Variants in PCDHA2 observed in about 807,000 individuals in gnomAD.
PCDHA2 encodes protocadherin alpha 2.
PCDHA2 carries 58 observed loss-of-function variants against 66.0 expected under a neutral mutation model. The observed-to-expected ratio is 0.88, with a 90% CI of 0.71 to 1.09. The LOEUF is 1.09. Ranked by LOEUF, PCDHA2 falls within the 50% of genes least tolerant of loss-of-function variation. The probability of loss-of-function intolerance (pLI) is 0.00; values close to 1 mark genes in which losing one functional copy is unlikely to be tolerated. For missense variants in PCDHA2, 1,267 were observed against 1,242.3 expected, an observed-to-expected ratio of 1.02 and a Z score of -0.30; for synonymous variants, 634 against 554.0, an observed-to-expected ratio of 1.14 and a Z score of -2.03.
chr5:140,975,516 G>T (rs1310855349), intron 1 of PCDHA2, among the ~76,000 whole-genome samples: 1 of 152,166 alleles, frequency 6.6e-6, no homozygotes, highest in Non-Finnish European at 1.5e-5. Flanking sequence ...TGCAAAATCT[G>T]CAGTGGATAT....
chr5:140,943,270 AAAAAAAAG>A (rs1301290983), intron 1 of PCDHA2, among the ~76,000 whole-genome samples: 4 of 150,618 alleles, frequency 2.7e-5, no homozygotes, highest in African/African-American at 4.9e-5. Context: ...AAAAAAAAAA[AAAAAAAAG>A]AAAGAAAGAA....
At position 140,807,432 on chromosome 5, in the gene PCDHA2, G is replaced by T. The variant is rs1554124011; in HGVS notation, c.2388+10080G>T. The T allele has an allele frequency of 1.9e-6, 3 of 1,599,340 alleles. No individual in the cohort carries two copies. The South Asian group carries it at 3.3e-5, about 18-fold the overall frequency. On this transcript the variant is annotated intron_variant, in intron 1 of 3. Coordinates refer to ENST00000526136, the MANE Select transcript of PCDHA2 (RefSeq NM_018905.3). ...CTTCTGGAGGTAAATCTGCAGAATG[G>T]CATTTTGTTTGTGAATTCTCGGATC...
At chr5:140,909,344 C>T (rs900022411) in intron 1 of PCDHA2, among the ~76,000 whole-genome samples, 1 of 152,164 alleles carries the variant, frequency 6.6e-6, no homozygotes, top group Non-Finnish European at 1.5e-5. Context: ...TACCAGGTAC[C>T]AAGAGATGTG....
intron 1 of PCDHA2, among the ~76,000 whole-genome samples, chr5:140,936,014 T>C (rs1405282987): frequency 4.0e-5 from 6 of 151,334 alleles, no homozygotes; most frequent in Non-Finnish European, 8.8e-5. Flanking sequence ...CACCTCAGCC[T>C]CCCGAGTAGC....
At chr5:140,839,650 T>C (rs1297660391) in intron 1 of PCDHA2, among the ~76,000 whole-genome samples, 1 of 152,088 alleles carries the variant, frequency 6.6e-6, no homozygotes, top group African/African-American at 2.4e-5. Flanking sequence ...TCTTTACAAA[T>C]TGTTTGCTAC....
intron 1 of PCDHA2, chr5:140,969,438 C>G: frequency 6.5e-7 from 1 of 1,546,540 alleles, no homozygotes; most frequent in African/African-American, 1.4e-5. Flanking sequence ...CAAGAGTTAT[C>G]TGGTAAACTG....
rs1310560301 is a variant in PCDHA2, at chr5:140,838,419, C to T, written c.2388+41067C>T. On this transcript the variant is annotated intron_variant, in intron 1 of 3. Transcript: ENST00000526136. ...GATTACAGGAGTGAGCCACCGCATC[C>T]GGCCTAAATTATATATTGGGTTTTG... is the stretch of plus-strand genomic sequence containing the variant. Among the ~76,000 whole-genome samples, 7 of 151,450 alleles carry T rather than the reference C, an allele frequency of 4.6e-5. 1 individual carries two copies. The highest frequency in any genetic ancestry group is 2.1e-4 in the South Asian group (1 of 4,794).
rs782773036 is a variant in PCDHA2 at position 140,870,430 on chromosome 5, G to T, written c.2388+73078G>T. 3 of 1,614,226 alleles carry T rather than the reference G, an allele frequency of 1.9e-6. No homozygotes were observed. In the African/African-American group the frequency reaches 4.0e-5, roughly 22 times the overall value. The stretch of plus-strand genomic sequence containing the variant: ...GTGGGCCACGGCCAGGGTATCCGTG[G>T]AGGTGGCCGACGTGAACGACAATGC... On this transcript the variant is annotated intron_variant, in intron 1 of 3. Transcript: ENST00000526136.
In PCDHA2 at chr5:140,966,984, G is replaced by A. The variant is rs1217682338; in HGVS notation, c.2389-11965G>A. 4.4e-6 allele frequency: 7 copies of A among 1,603,802 alleles called. No individual in the cohort carries two copies. In the Admixed American group the frequency reaches 5.0e-5, roughly 11 times the overall value. Reference sequence around the variant, plus strand: ...CTGGGGCTTGAGCTGCGGCGCTTGGGGCCGGGTTGCTTGCGCATCAACCAT... The same window carrying A: ...CTGGGGCTTGAGCTGCGGCGCTTGGAGCCGGGTTGCTTGCGCATCAACCAT... On this transcript the variant is annotated intron_variant, in intron 1 of 3. Transcript: ENST00000526136.
rs2150260051 is a variant in PCDHA2, at chr5:140,836,413, A to C, written c.2388+39061A>C. On this transcript the variant is annotated intron_variant, in intron 1 of 3. Coordinates refer to ENST00000526136, the MANE Select transcript of PCDHA2 (RefSeq NM_018905.3). ...CTGGTGGAAAGCGGCCAGGCACCAA[A>C]GGCGTCGTCGCGGGCATCGTTGGGC... The C allele has an allele frequency of 1.9e-6, 3 of 1,613,666 alleles. No individual in the cohort carries two copies. In the Admixed American group the frequency reaches 5.0e-5, roughly 27 times the overall value.
At position 140,859,292 on chromosome 5, in the gene PCDHA2, CT is replaced by C. The variant is rs1226140670; in HGVS notation, c.2388+61943del. 1.3e-3 allele frequency: 281 copies of C among 215,310 alleles called. 12 individuals are homozygous for C. Among genetic ancestry groups the C allele is most frequent in the African/African-American group, 6.4e-3 (274 of 42,824 alleles). 13.3% of individuals were successfully genotyped at this position (215,310 alleles called of 1,614,324 possible). A position where few individuals can be genotyped will look rare whatever the true frequency, so the allele number is the denominator to read the frequency against. ...CTTTTTACTTTTGAGACTGAAAATA[CT>C]TTAGTATGAATTAATATTAAAAGTT... On this transcript the variant is annotated intron_variant, in intron 1 of 3. Transcript: ENST00000526136.
intron 1 of PCDHA2, among the ~76,000 whole-genome samples, chr5:140,844,353 G>A (rs1249392344): frequency 6.7e-6 from 1 of 148,820 alleles, no homozygotes; most frequent in Admixed American, 6.7e-5. Context: ...AAATCAAGAG[G>A]GAAGAGATTT....
intron 3 of PCDHA2, among the ~76,000 whole-genome samples, chr5:140,985,009 C>T (rs567801905): frequency 9.3e-4 from 141 of 152,162 alleles, no homozygotes; most frequent in African/African-American, 3.3e-3. Flanking sequence ...ACGATATCGG[C>T]TCACAGCAAC....
intron 1 of PCDHA2, among the ~76,000 whole-genome samples, chr5:140,901,260 T>G (rs1554189701): frequency 1.3e-5 from 2 of 152,190 alleles, no homozygotes; most frequent in African/African-American, 2.4e-5. Flanking sequence ...CCTGTGATTG[T>G]GGGGTATTAC....
intron 1 of PCDHA2, chr5:140,856,383 C>A (rs1053203263): frequency 3.8e-6 from 6 of 1,598,432 alleles, no homozygotes; most frequent in Non-Finnish European, 5.1e-6. Flanking sequence ...GTGGACAGGC[C>A]GCTGCAGGTT....
intron 1 of PCDHA2, among the ~76,000 whole-genome samples, chr5:140,938,925 CT>C (rs1316558463): frequency 2.0e-5 from 3 of 151,992 alleles, no homozygotes; most frequent in African/African-American, 7.2e-5. Flanking sequence ...AAGAAATTGG[CT>C]TTTAACTTTC....
chr5:140,884,334 C>T (rs1405987385), intron 1 of PCDHA2: 1 of 1,613,746 alleles, frequency 6.2e-7, no homozygotes, highest in Non-Finnish European at 8.5e-7. Context: ...GCTGTGGGTC[C>T]AGAAGCGGCG....
At chr5:140,867,151 A>G (rs1437256888) in intron 1 of PCDHA2, 1 of 152,150 alleles carries the variant, frequency 6.6e-6, no homozygotes, top group Non-Finnish European at 1.5e-5. Context: ...ATTTTTCCAG[A>G]GTAAACCTTC....
Position 141,011,514 on chromosome 5 carries a change from GT to G in PCDHA2, c.*1584del, listed in dbSNP as rs35545269. 2 of 153,738 alleles carry G rather than the reference GT, an allele frequency of 1.3e-5. No homozygotes were observed. The highest frequency in any genetic ancestry group is 1.9e-4 in the East Asian group (1 of 5,186). The allele number at this position is 153,738 out of a possible 1,614,324, so 9.5% of individuals were successfully genotyped here. ...TACACCTGTGAAAAAGTGGAGTAGTGTTTTTTTAACCATTGTTAATCAGCTT... is the reference window on the plus strand; with the variant it reads ...TACACCTGTGAAAAAGTGGAGTAGTGTTTTTTAACCATTGTTAATCAGCTT... On this transcript the variant is annotated 3_prime_UTR_variant, in exon 4 of 4. Coordinates refer to ENST00000526136, the MANE Select transcript of PCDHA2 (RefSeq NM_018905.3).
Sources: gnomAD v4.1 joint callset for allele counts (sites outside exome capture counted in the v4.1 genomes callset) on GRCh38, gnomAD v4.1.1 for gene constraint, MANE v1.5 for transcripts, NCBI Gene and HGNC (gene_info 2026-07-23, HGNC 2026-07-21) for gene names.